The following RPS6KA2 variants were observed in gnomAD, a reference collection of about 807,000 sequenced individuals.
The protein encoded by RPS6KA2 is ribosomal protein S6 kinase A2, also known as ribosomal protein S6 kinase alpha-2.
In RPS6KA2, 42 loss-of-function variants were observed where a neutral mutation model predicts 91.8. The observed-to-expected ratio is 0.46, with a 90% CI of 0.36 to 0.59. The LOEUF (loss-of-function observed/expected upper bound fraction) is 0.59. Among genes scored for constraint, RPS6KA2 ranks in the 20% least tolerant of loss-of-function variants. RPS6KA2 has a pLI of 0.00. For synonymous variants in RPS6KA2, 414 were observed against 393.6 expected, an observed-to-expected ratio of 1.05 and a Z score of -0.61; for missense variants, 798 against 978.5, an observed-to-expected ratio of 0.82 and a Z score of 2.46.
intron 2 of RPS6KA2, among the ~76,000 whole-genome samples, chr6:166,647,606 G>A (rs534350122): frequency 4.8e-4 from 73 of 152,280 alleles, no homozygotes; most frequent in African/African-American, 1.7e-3. Context: ...CTCCCTAACA[G>A]GAACTCTTTA....
chr6:166,630,610 G>A (rs370123943), upstream of RPS6KA2, among the ~76,000 whole-genome samples: 117 of 152,306 alleles, frequency 7.7e-4, 4 homozygotes, highest in South Asian at 0.023. Flanking sequence ...GCATTCGAAG[G>A]CTCTGCCCAT....
intron 2 of RPS6KA2, among the ~76,000 whole-genome samples, chr6:166,745,298 T>C (rs183878766): frequency 5.9e-4 from 90 of 152,192 alleles, no homozygotes; most frequent in South Asian, 1.2e-3. Context: ...ATTTCAGGTG[T>C]GTGCCACCAT....
chr6:166,566,547 C>T (rs1210009680), intron 1 of RPS6KA2, among the ~76,000 whole-genome samples: 3 of 152,236 alleles, frequency 2.0e-5, no homozygotes, highest in African/African-American at 7.2e-5. Flanking sequence ...TGCACAGGTG[C>T]AGGGGGTGGC....
intron 2 of RPS6KA2, among the ~76,000 whole-genome samples, chr6:166,854,179 C>G (rs117547647): frequency 6.6e-6 from 1 of 152,154 alleles, no homozygotes; most frequent in Non-Finnish European, 1.5e-5. Flanking sequence ...GGGAGGAGGC[C>G]GTTCCCTCAG....
intron 2 of RPS6KA2, among the ~76,000 whole-genome samples, chr6:166,684,467 A>G (rs974727796): frequency 6.6e-6 from 1 of 152,198 alleles, no homozygotes; most frequent in African/African-American, 2.4e-5. Context: ...TGCTGCTTCA[A>G]CACAGCTGTT....
At chr6:166,547,936 T>C (rs1783881839) in intron 1 of RPS6KA2, among the ~76,000 whole-genome samples, 1 of 152,204 alleles carries the variant, frequency 6.6e-6, no homozygotes, top group Non-Finnish European at 1.5e-5. Context: ...GGGACCTCAC[T>C]CCTCAGAATT....
rs994941143 is a variant in RPS6KA2, at chr6:166,849,261, C to T, written c.123+8939G>A. On this transcript the variant is annotated intron_variant, in intron 2 of 21. Transcript: ENST00000503859. This position sits in a 1 kb window ranked among gnomAD's most constrained non-coding sequence, Gnocchi z 4.9. ...AACATGGCGTGGGTAGAGAAGTCTA[C>T]GGTAACCATGCCCCATGCCTCTGCT... is the stretch of plus-strand genomic sequence containing the variant. 5.9e-5 allele frequency among the ~76,000 whole-genome samples: 9 copies of T among 152,216 alleles called. No individual in the cohort carries two copies. Among genetic ancestry groups the T allele is most frequent in the Non-Finnish European group, 7.3e-5 (5 of 68,040 alleles).
intron 1 of RPS6KA2, among the ~76,000 whole-genome samples, chr6:166,543,862 G>A (rs766577526): frequency 7.9e-6 from 1 of 126,436 alleles, no homozygotes; most frequent in South Asian, 3.1e-4. Flanking sequence ...ATGCACATAC[G>A]TGAGTGTGTG....
At chr6:166,576,270 C>T (rs1483406321) in intron 1 of RPS6KA2, among the ~76,000 whole-genome samples, 3 of 152,058 alleles carry the variant, frequency 2.0e-5, no homozygotes, top group Non-Finnish European at 4.4e-5. Flanking sequence ...TAAATTGGTA[C>T]CAGTAGAGTA....
chr6:166,750,985 A>C (rs1791264291), intron 2 of RPS6KA2, among the ~76,000 whole-genome samples: 3 of 152,186 alleles, frequency 2.0e-5, no homozygotes, highest in African/African-American at 4.8e-5. Flanking sequence ...GAGGCTGCTG[A>C]CACTCTAGAA....
intron 1 of RPS6KA2, among the ~76,000 whole-genome samples, chr6:166,624,535 G>T (rs1024865623): frequency 6.6e-6 from 1 of 152,204 alleles, no homozygotes; most frequent in Admixed American, 6.5e-5. Context: ...CTGGACTGGG[G>T]CACAAAGTCA....
intron 2 of RPS6KA2, among the ~76,000 whole-genome samples, chr6:166,709,519 T>C (rs1182163754): frequency 6.6e-6 from 1 of 152,214 alleles, no homozygotes; most frequent in African/African-American, 2.4e-5. Flanking sequence ...ATTTGATGGC[T>C]TCGCTTTATC....
chr6:166,469,518 T>C (rs73790226), intron 11 of RPS6KA2, among the ~76,000 whole-genome samples: 9 of 152,062 alleles, frequency 5.9e-5, no homozygotes, highest in Admixed American at 4.6e-4. Flanking sequence ...ATCGGGAATA[T>C]GCAGGGCTCG....
Position 166,423,205 on chromosome 6 carries a change from G to A in RPS6KA2, c.1743+51C>T, listed in dbSNP as rs1295761730. ...TGGCTCTGCAGTGGGAGGGGGCAGA[G>A]CCTGTCTTTGCGGATAGAGAGGCCT... is the stretch of plus-strand genomic sequence containing the variant. On this transcript the variant is annotated intron_variant, in intron 17 of 20. Transcript: ENST00000265678. The surrounding 1 kb of genome is among the most constrained non-coding windows in gnomAD (Gnocchi z 4.8). The A allele has an allele frequency of 6.4e-7, 1 of 1,559,478 alleles. No homozygotes were observed.
At chr6:166,621,043 G>T (rs192851395) in intron 1 of RPS6KA2, among the ~76,000 whole-genome samples, 2 of 152,322 alleles carry the variant, frequency 1.3e-5, no homozygotes, top group Non-Finnish European at 2.9e-5. Context: ...CCCAGCCTGG[G>T]GAGCTTTGCA....
chr6:166,549,228 T>C (rs1413652402), intron 1 of RPS6KA2, among the ~76,000 whole-genome samples: 3 of 152,216 alleles, frequency 2.0e-5, no homozygotes, highest in South Asian at 2.1e-4. Flanking sequence ...GGTGTAAATA[T>C]AAAATGTTCC....
intron 1 of RPS6KA2, among the ~76,000 whole-genome samples, chr6:166,592,463 T>C (rs893952348): frequency 3.3e-5 from 5 of 152,338 alleles, no homozygotes; most frequent in African/African-American, 1.2e-4. Flanking sequence ...GGTGAGAACT[T>C]ACTAGTTATT....
chr6:166,747,991 T>G (rs1435380579), intron 2 of RPS6KA2, among the ~76,000 whole-genome samples: 1 of 152,156 alleles, frequency 6.6e-6, no homozygotes, highest in African/African-American at 2.4e-5. Context: ...GAGTTGCCCA[T>G]GCCAGTGAAT....
intron 10 of RPS6KA2, among the ~76,000 whole-genome samples, chr6:166,473,620 C>A (rs892911757): frequency 6.6e-6 from 1 of 152,084 alleles, no homozygotes; most frequent in Non-Finnish European, 1.5e-5. Context: ...TGGTATCTGC[C>A]AAAAATGTGT....
Sources: allele counts gnomAD v4.1 joint callset (sites outside exome capture counted in the v4.1 genomes callset), GRCh38; gene constraint gnomAD v4.1.1; non-coding constraint Gnocchi (gnomAD v3.1); transcripts MANE v1.5; gene names NCBI Gene and HGNC (gene_info 2026-07-23, HGNC 2026-07-21).